Variants in NAGLU observed in about 807,000 individuals in gnomAD.
NAGLU encodes N-acetyl-alpha-glucosaminidase.
Under a neutral mutation model 43.4 loss-of-function variants are expected in NAGLU, and 34 were observed. The observed-to-expected ratio is 0.78, with a 90% CI of 0.60 to 1.04. NAGLU has a LOEUF of 1.04. Among genes scored for constraint, NAGLU ranks in the 50% least tolerant of loss-of-function variants. The pLI is 0.00. For synonymous variants in NAGLU, 425 were observed against 437.6 expected (o/e 0.97, Z 0.36); for missense variants, 910 against 993.7 (o/e 0.92, Z 1.13).
intron 5 of NAGLU, 146 bp from the exon 6 acceptor site, chr17:42,542,882 C>G (rs536236758): frequency 8.1e-7 from 1 of 1,238,924 alleles, no homozygotes; most frequent in Non-Finnish European, 1.2e-6. Context: ...CAGAGGGACG[C>G]GTATGTGCCA....
chr17:42,539,593 CTCAT>C (rs1376329461), intron 4 of NAGLU, among the ~76,000 whole-genome samples: 5 of 152,278 alleles, frequency 3.3e-5, no homozygotes, highest in African/African-American at 4.8e-5. Context: ...AGGAAACTCA[CTCAT>C]TCATTCAATA....
Position 42,538,761 on chromosome 17 carries a change from G to A in NAGLU, c.764+6G>A, listed in dbSNP as rs781088935. 2 of 1,613,636 alleles carry A rather than the reference G, an allele frequency of 1.2e-6. No individual in the cohort carries two copies. The highest frequency in any genetic ancestry group is 1.7e-6 in the Non-Finnish European group (2 of 1,179,876). On this transcript the variant is annotated splice_donor_region_variant and intron_variant, in intron 4 of 5. Transcript: ENST00000225927. ...GTTCCCGAGGCTGTCACCAGGTGAGGTTCCGCTCACCCCCTCCACTTAGCT... is the reference window on the plus strand; with the variant it reads ...GTTCCCGAGGCTGTCACCAGGTGAGATTCCGCTCACCCCCTCCACTTAGCT...
In NAGLU at chr17:42,537,373, C is replaced by G. The variant is rs779724551; in HGVS notation, c.384-25C>G. On this transcript the variant is annotated intron_variant, in intron 1 of 5. Coordinates refer to ENST00000225927, the MANE Select transcript of NAGLU (RefSeq NM_000263.4). ...CGTGGACCCTCCAGGGTGGGATGCGCCCCTGCTCATGACACTGCCCGCAGG... is the reference window on the plus strand; with the variant it reads ...CGTGGACCCTCCAGGGTGGGATGCGGCCCTGCTCATGACACTGCCCGCAGG... 1 of 1,613,908 alleles carries G rather than the reference C, an allele frequency of 6.2e-7. No individual in the cohort carries two copies. Among genetic ancestry groups the G allele is most frequent in the Non-Finnish European group, 8.5e-7 (1 of 1,179,810 alleles).
Position 42,536,306 on chromosome 17 carries a change from G to A in NAGLU, c.34G>A (p.Val12Ile). ...GGTGGCGGTGGCCGCGGCGGTGGGG[G>A]TCCTTCTCCTGGCCGGGGCCGGGGG... ...EAVAVAAAVG[V>I]LLLAGAGGAA... Residue 12 changes from valine (V) to isoleucine (I), a missense_variant, in exon 1 of 6, where the codon GTC becomes ATC. By Grantham distance (29) the Val-to-Ile change is conservative (BLOSUM62 3). Coordinates refer to ENST00000225927, the MANE Select transcript of NAGLU (RefSeq NM_000263.4). 1 of 1,219,176 alleles carries A rather than the reference G, an allele frequency of 8.2e-7. No homozygotes were observed. The highest frequency in any genetic ancestry group is 1.0e-6 in the Non-Finnish European group (1 of 980,112). 75.5% of individuals were successfully genotyped at this position (1,219,176 alleles called of 1,614,324 possible). A position where few individuals can be genotyped will look rare whatever the true frequency, so the allele number is the denominator to read the frequency against.
At position 42,536,900 on chromosome 17, in the gene NAGLU, A is replaced by G. The variant is rs76153654; in HGVS notation, c.383+245A>G. On this transcript the variant is annotated intron_variant, in intron 1 of 5. Coordinates refer to ENST00000225927, the MANE Select transcript of NAGLU (RefSeq NM_000263.4). Reference sequence around the variant, plus strand: ...TGAGGATTTGCACGATGATGGGCATAGAATTTGTGGTGCACAATTGGTGAT... The same window carrying G: ...TGAGGATTTGCACGATGATGGGCATGGAATTTGTGGTGCACAATTGGTGAT... 146 of 796,960 alleles carry G rather than the reference A, an allele frequency of 1.8e-4. 2 individuals are homozygous for G. The East Asian group carries it at 4.3e-3, about 24-fold the overall frequency. The allele number at this position is 796,960 out of a possible 1,614,324, so 49.4% of individuals were successfully genotyped here.
At position 42,542,919 on chromosome 17, in the gene NAGLU, G is replaced by A. The variant is rs547827033; in HGVS notation, c.1022-109G>A. 8.5e-6 allele frequency: 13 copies of A among 1,531,578 alleles called. No individual in the cohort carries two copies. The Admixed American group carries it at 1.8e-4, about 22-fold the overall frequency. 94.9% of individuals were successfully genotyped at this position (1,531,578 alleles called of 1,614,324 possible). ...AGAGCGTCCCGCTGGTGGGGGTCAT[G>A]GGAAGCCATGACCTGGGATAGACAG... On this transcript the variant is annotated intron_variant, in intron 5 of 5. Transcript: ENST00000225927.
chr17:42,543,925 A>C lies in NAGLU; in HGVS notation c.1919A>C (p.Gln640Pro), dbSNP rs754833974. The change falls in exon 6 of 6, where the codon CAG becomes CCG. Residue 640 changes from glutamine (Q) to proline (P), a missense_variant. Transcript: ENST00000225927. Reference sequence around the variant, plus strand: ...GAGGCCGAGGCCGATTTCTACGAGCAGAACAGCCGCTACCAGCTGACCTTG... The same window carrying C: ...GAGGCCGAGGCCGATTTCTACGAGCCGAACAGCCGCTACCAGCTGACCTTG... The part of the protein sequence containing the change: ...VSEAEADFYE[Q>P]NSRYQLTLWG... 6.2e-7 allele frequency: 1 copy of C among 1,607,326 alleles called. No homozygotes were observed. Among genetic ancestry groups the C allele is most frequent in the Non-Finnish European group, 8.5e-7 (1 of 1,177,258 alleles).
intron 1 of NAGLU, chr17:42,537,164 G>A (rs2092908621): frequency 1.7e-6 from 1 of 575,662 alleles, no homozygotes; most frequent in Admixed American, 2.9e-5. Flanking sequence ...AGTGGAATAT[G>A]CCACCCAAAT....
intron 5 of NAGLU, among the ~76,000 whole-genome samples, chr17:42,542,760 C>T (rs1306711212): frequency 1.3e-5 from 2 of 152,364 alleles, no homozygotes; most frequent in East Asian, 3.9e-4. Flanking sequence ...CCTCAGAGTA[C>T]TGGGATTATA....
intron 4 of NAGLU, among the ~76,000 whole-genome samples, chr17:42,539,393 GCCAT>G (rs1599256929): frequency 6.6e-6 from 1 of 152,226 alleles, no homozygotes; most frequent in East Asian, 1.9e-4. Context: ...GTGCTTCCCA[GCCAT>G]CCTCTCACAT....
At chr17:42,539,467 T>C (rs904216408) in intron 4 of NAGLU, among the ~76,000 whole-genome samples, 4 of 152,250 alleles carry the variant, frequency 2.6e-5, no homozygotes, top group Non-Finnish European at 5.9e-5. Flanking sequence ...GAAGCCTTGC[T>C]AGTGCCCCGC....
rs890214280 is a variant in NAGLU at position 42,540,288 on chromosome 17, G to A, written c.765-662G>A. On this transcript the variant is annotated intron_variant, in intron 4 of 5. Coordinates refer to ENST00000225927, the MANE Select transcript of NAGLU (RefSeq NM_000263.4). ...ATTGGGACAGATACTTAATGCATGCGGGGCTGAAAACCTAGATGATGGGTT... is the reference window on the plus strand; with the variant it reads ...ATTGGGACAGATACTTAATGCATGCAGGGCTGAAAACCTAGATGATGGGTT... 3.3e-5 allele frequency among the ~76,000 whole-genome samples: 5 copies of A among 151,592 alleles called. No individual in the cohort carries two copies. The East Asian group carries it at 7.8e-4, about 24-fold the overall frequency.
rs369789056 is a variant in NAGLU at position 42,543,920 on chromosome 17, C to T, written c.1914C>T (p.Tyr638=). Residue 638 remains tyrosine, a synonymous_variant, in exon 6 of 6, where the codon TAC becomes TAT. Transcript: ENST00000225927. The stretch of plus-strand genomic sequence containing the variant: ...TCAGTGAGGCCGAGGCCGATTTCTA[C>T]GAGCAGAACAGCCGCTACCAGCTGA... ...AAVSEAEADF[Y]EQNSRYQLTL... is the part of the protein sequence containing the mutation. 117 of 1,606,930 alleles carry T rather than the reference C, an allele frequency of 7.3e-5. No homozygotes were observed. Among genetic ancestry groups the T allele is most frequent in the Non-Finnish European group, 8.8e-5 (103 of 1,177,118 alleles).
At chr17:42,539,058 G>A (rs116195643) in intron 4 of NAGLU, among the ~76,000 whole-genome samples, 5 of 152,322 alleles carry the variant, frequency 3.3e-5, no homozygotes, top group Non-Finnish European at 5.9e-5. Context: ...GGAGGCAGAC[G>A]TTGCAGTGAG....
At position 42,538,713 on chromosome 17, in the gene NAGLU, T is replaced by C. The variant is rs2092913870; in HGVS notation, c.722T>C (p.Val241Ala). 1 of 1,613,942 alleles carries C rather than the reference T, an allele frequency of 6.2e-7. No individual in the cohort carries two copies. The highest frequency in any genetic ancestry group is 1.7e-5 in the Admixed American group (1 of 60,014). ...ATGCGCTCCTTCGGCATGACCCCAG[T>C]GCTGCCTGCATTCGCGGGGCATGTT... ...DQMRSFGMTP[V>A]LPAFAGHVPE... is the part of the protein sequence containing the mutation. The change falls in exon 4 of 6, where the codon GTG becomes GCG. Residue 241 changes from valine to alanine, a missense_variant. By Grantham distance (64) the Val-to-Ala change is moderately conservative (BLOSUM62 0). Coordinates refer to ENST00000225927, the MANE Select transcript of NAGLU (RefSeq NM_000263.4).
In NAGLU at chr17:42,543,130, G is replaced by A. The variant is rs768600049; in HGVS notation, c.1124G>A (p.Arg375His). The change falls in exon 6 of 6, where the codon CGT becomes CAT. Residue 375 changes from arginine (R) to histidine (H), a missense_variant. By Grantham distance (29) the Arg-to-His change is conservative. Transcript: ENST00000225927. ...QIRAVLGAVP[R>H]GRLLVLDLFA... ...AGGGCTGTGCTGGGAGCTGTGCCCC[G>A]TGGCCGCCTCCTGGTTCTGGACCTG... The A allele has an allele frequency of 2.4e-5, 39 of 1,613,606 alleles. 2 individuals are homozygous for A. Among genetic ancestry groups the A allele is most frequent in the South Asian group, 5.5e-5 (5 of 91,096 alleles).
Position 42,544,234 on chromosome 17 carries a change from G to A in NAGLU, c.2228G>A (p.Trp743Ter). The A allele has an allele frequency of 6.2e-7, 1 of 1,608,840 alleles. No individual in the cohort carries two copies. Among genetic ancestry groups the A allele is most frequent in the Non-Finnish European group, 8.5e-7 (1 of 1,180,006 alleles). ...KYYPRWVAGS[W>*] ...TACCCCCGCTGGGTGGCCGGCTCTTGGTGATAGATTCGCCACCACTGGGCC... is the reference window on the plus strand; with the variant it reads ...TACCCCCGCTGGGTGGCCGGCTCTTAGTGATAGATTCGCCACCACTGGGCC... The change falls in exon 6 of 6, where the codon TGG (tryptophan) becomes TAG (stop). Residue 743 changes from tryptophan (W) to a stop codon, truncating the protein, a stop_gained. Transcript: ENST00000225927. LOFTEE classifies it high-confidence loss of function.
chr17:42,543,113 G>A lies in NAGLU; in HGVS notation c.1107G>A (p.Val369=). ...QFWGPAQIRA[V]LGAVPRGRLL... ...GGGGGCCCGCCCAGATCAGGGCTGT[G>A]CTGGGAGCTGTGCCCCGTGGCCGCC... is the stretch of plus-strand genomic sequence containing the variant. The change falls in exon 6 of 6, where the codon GTG becomes GTA. Residue 369 remains valine, a synonymous_variant. Coordinates refer to ENST00000225927, the MANE Select transcript of NAGLU (RefSeq NM_000263.4). 6.2e-7 allele frequency: 1 copy of A among 1,613,132 alleles called. No homozygotes were observed. Among genetic ancestry groups the A allele is most frequent in the Non-Finnish European group, 8.5e-7 (1 of 1,180,044 alleles).
intron 5 of NAGLU, among the ~76,000 whole-genome samples, chr17:42,542,490 G>A (rs1323608242): frequency 6.6e-6 from 1 of 151,948 alleles, no homozygotes; most frequent in East Asian, 2.0e-4. Context: ...GATCCACTGC[G>A]ACTGGCCTTG....
Sources: gnomAD v4.1 joint callset for allele counts (sites outside exome capture counted in the v4.1 genomes callset) on GRCh38, gnomAD v4.1.1 for gene constraint, MANE v1.5 for transcripts, NCBI Gene and HGNC (gene_info 2026-07-23, HGNC 2026-07-21) for gene names.